NAV2: variants seen among roughly 807,000 people sequenced by gnomAD.
The protein encoded by NAV2 is neuron navigator 2, also known as helicase, APC down-regulated 1.
A neutral mutation model predicts 223.2 loss-of-function variants in NAV2; 54 were observed. That is an observed-to-expected ratio of 0.24 (90% CI 0.19 to 0.30). NAV2 has a LOEUF of 0.30. NAV2 is among the 10% of genes least tolerant of loss of function. NAV2 has a pLI of 1.00. For synonymous variants in NAV2, 1,279 were observed against 1,239.3 expected (o/e 1.03, Z -0.67); for missense variants, 2,806 against 3,147.5 (o/e 0.89, Z 2.60).
chr11:19,470,368 C>T (rs1590268941), intron 1 of NAV2, among the ~76,000 whole-genome samples: 1 of 152,204 alleles, frequency 6.6e-6, no homozygotes, highest in Admixed American at 6.5e-5. Flanking sequence ...CAATGTTATA[C>T]TGCTGTAAAA....
chr11:19,896,311 C>A (rs965731945), intron 6 of NAV2, among the ~76,000 whole-genome samples: 11 of 152,162 alleles, frequency 7.2e-5, no homozygotes, highest in African/African-American at 2.7e-4. Context: ...GCCCATTAAA[C>A]AATAACTCTC....
chr11:19,917,949 CTG>C (rs2043948112), intron 6 of NAV2, among the ~76,000 whole-genome samples: 1 of 152,222 alleles, frequency 6.6e-6, no homozygotes, highest in African/African-American at 2.4e-5. Context: ...GAGAATGAGA[CTG>C]AGGCAACAGG....
At chr11:20,036,118 C>G in intron 12 of NAV2, 21 bp downstream of exon 12, 1 of 1,613,984 alleles carries the variant, frequency 6.2e-7, no homozygotes, top group Non-Finnish European at 8.5e-7. Flanking sequence ...CAGGCCCTCC[C>G]AGGCTCCTCC....
Position 20,095,720 on chromosome 11 carries a change from A to C in NAV2, c.5965A>C (p.Lys1989Gln), listed in dbSNP as rs746913816. ...TATTGGCTGCATTGGAGTTAGTGGCAAGACGAAGTGGGATGTGCTCGATGG... is the reference window on the plus strand; with the variant it reads ...TATTGGCTGCATTGGAGTTAGTGGCCAGACGAAGTGGGATGTGCTCGATGG... Reference protein sequence around the residue: ...FLIGCIGVSGKTKWDVLDGVV... With the variant: ...FLIGCIGVSGQTKWDVLDGVV... The change falls in exon 30 of 38, where the codon AAG (lysine) becomes CAG (glutamine). Residue 1989 changes from lysine (K) to glutamine (Q), a missense_variant. Lys to Gln is a moderately conservative substitution (Grantham distance 53). Around this residue, in one of 4 missense-constraint regions of NAV2, gnomAD observed 824 missense variants for 1,069.4 expected, o/e 0.77. Transcript: ENST00000349880. 1 of 1,614,164 alleles carries C rather than the reference A, an allele frequency of 6.2e-7. No individual in the cohort carries two copies. The highest frequency in any genetic ancestry group is 1.1e-5 in the South Asian group (1 of 91,076).
At chr11:19,725,861 A>G (rs1318113259) in intron 1 of NAV2, among the ~76,000 whole-genome samples, 3 of 152,222 alleles carry the variant, frequency 2.0e-5, no homozygotes, top group African/African-American at 7.2e-5. Flanking sequence ...GAAATTTGTC[A>G]TTTGCAAATA....
chr11:20,048,955 C>T lies in NAV2; in HGVS notation c.4130C>T (p.Ala1377Val), dbSNP rs746538651. ...TCCAGCCCCAGCTCAGCCCACTCGG[C>T]CCCTTCCAACAGCCTCACCTGGGGC... ...LASSPSSAHS[A>V]PSNSLTWGTN... is the part of the protein sequence containing the mutation. The change falls in exon 15 of 38, where the codon GCC becomes GTC. Residue 1377 changes from alanine (A) to valine (V), a missense_variant. This residue lies in a region of NAV2 where 742 missense variants were observed against 777.9 expected (regional missense o/e 0.95). Coordinates refer to ENST00000349880, the MANE Select transcript of NAV2 (RefSeq NM_145117.5). The T allele has an allele frequency of 6.2e-7, 1 of 1,614,190 alleles. No individual in the cohort carries two copies. Among genetic ancestry groups the T allele is most frequent in the Non-Finnish European group, 8.5e-7 (1 of 1,180,040 alleles).
intron 1 of NAV2, among the ~76,000 whole-genome samples, chr11:19,368,997 C>T (rs1451061647): frequency 2.0e-5 from 3 of 152,148 alleles, no homozygotes; most frequent in Admixed American, 6.5e-5. Flanking sequence ...CTTCTTTGAG[C>T]ATGGAATGAC....
chr11:19,564,029 T>C (rs1294234766), intron 1 of NAV2, among the ~76,000 whole-genome samples: 4 of 152,218 alleles, frequency 2.6e-5, no homozygotes, highest in Non-Finnish European at 5.9e-5. Flanking sequence ...ACATTCCCTG[T>C]CTTCACCTGT....
intron 1 of NAV2, among the ~76,000 whole-genome samples, chr11:19,404,234 C>A (rs983077618): frequency 6.6e-6 from 1 of 152,124 alleles, no homozygotes; most frequent in Non-Finnish European, 1.5e-5. Flanking sequence ...TAATTGTGAA[C>A]GATGTGATCA....
chr11:19,374,028 G>T (rs998689773), intron 1 of NAV2, among the ~76,000 whole-genome samples: 3 of 152,212 alleles, frequency 2.0e-5, no homozygotes, highest in Admixed American at 6.5e-5. Flanking sequence ...AAAAATAACA[G>T]TAGATCTTTC....
Position 20,039,532 on chromosome 11 carries a change from G to C in NAV2, c.2907+3435G>C, listed in dbSNP as rs182969058. ...CCTCCATTCATGGCAGTTAACTAAA[G>C]GTTGACTACGTTCTTAATATATTTT... is the stretch of plus-strand genomic sequence containing the variant. On this transcript the variant is annotated intron_variant, in intron 12 of 37. Transcript: ENST00000349880. Among the ~76,000 whole-genome samples the C allele has an allele frequency of 2.9e-3, 444 of 152,258 alleles. 3 individuals carry two copies. The highest frequency in any genetic ancestry group is 3.8e-3 in the Non-Finnish European group (258 of 68,024).
intron 1 of NAV2, among the ~76,000 whole-genome samples, chr11:19,618,480 G>A (rs1379009199): frequency 2.9e-5 from 4 of 139,536 alleles, no homozygotes; most frequent in Non-Finnish European, 6.2e-5. Flanking sequence ...ATGGCTATAT[G>A]GCTGTCTGGA....
intron 1 of NAV2, among the ~76,000 whole-genome samples, chr11:19,539,274 C>T (rs896013118): frequency 2.0e-5 from 3 of 152,168 alleles, no homozygotes; most frequent in Admixed American, 2.0e-4. Flanking sequence ...CAGATCTCAA[C>T]TTGTTTGTCT....
chr11:19,530,111 T>G (rs1284094636), intron 1 of NAV2, among the ~76,000 whole-genome samples: 1 of 152,132 alleles, frequency 6.6e-6, no homozygotes, highest in Non-Finnish European at 1.5e-5. Context: ...CCACTGGAAG[T>G]GGTGAGGAAG....
chr11:19,398,842 G>A (rs1311786501), intron 1 of NAV2, among the ~76,000 whole-genome samples: 2 of 152,272 alleles, frequency 1.3e-5, no homozygotes, highest in East Asian at 3.9e-4. Context: ...CACAGCTAGT[G>A]GGTGCACAAC....
At chr11:19,676,644 GCA>G (rs1035990361) in intron 1 of NAV2, among the ~76,000 whole-genome samples, 6 of 152,196 alleles carry the variant, frequency 3.9e-5, no homozygotes, top group Non-Finnish European at 7.4e-5. Context: ...TGGACGTCAT[GCA>G]CTCTATGGGG....
chr11:19,646,224 C>T (rs76114759), intron 1 of NAV2, among the ~76,000 whole-genome samples: 2,374 of 152,320 alleles, frequency 0.016, 67 homozygotes, highest in African/African-American at 0.052. Context: ...CCAGAAAATG[C>T]ACACCCAGCA....
intron 1 of NAV2, among the ~76,000 whole-genome samples, chr11:19,513,639 T>C (rs2043349026): frequency 6.6e-6 from 1 of 152,208 alleles, no homozygotes; most frequent in Non-Finnish European, 1.5e-5. Context: ...CCAACTATTA[T>C]GGGTTGACTT....
At position 19,694,628 on chromosome 11, in the gene NAV2, AG is replaced by A. The variant is rs1429292477; in HGVS notation, c.76-137855del. On this transcript the variant is annotated intron_variant, in intron 1 of 37. Coordinates refer to the NAV2 transcript ENST00000360655. The stretch of plus-strand genomic sequence containing the variant: ...TATTATCCTGAACTGGCCATTCTGT[AG>A]AACTCCCACTGTCACTTCCAATGCC... Among the ~76,000 whole-genome samples the A allele has an allele frequency of 3.9e-5, 6 of 152,254 alleles. No homozygotes were observed. The East Asian group carries it at 1.2e-3, about 29-fold the overall frequency.
Sources: allele counts gnomAD v4.1 joint callset (sites outside exome capture counted in the v4.1 genomes callset), GRCh38; gene constraint gnomAD v4.1.1; regional missense constraint gnomAD v4.1.1; transcripts MANE v1.5; gene names NCBI Gene and HGNC (gene_info 2026-07-23, HGNC 2026-07-21).